PXDNL: variants seen among roughly 807,000 people sequenced by gnomAD.
The protein encoded by PXDNL is peroxidasin like.
In PXDNL, 145 loss-of-function variants were observed where a neutral mutation model predicts 150.8. That is an observed-to-expected ratio of 0.96 (90% CI 0.84 to 1.10). The LOEUF is 1.10. Among genes scored for constraint, PXDNL ranks in the 50% least tolerant of loss-of-function variants. PXDNL has a pLI of 0.00. For missense variants in PXDNL, 2,087 were observed against 1,873.9 expected (o/e 1.11, Z -2.10); for synonymous variants, 757 against 725.7 (o/e 1.04, Z -0.69).
chr8:51,341,821 A>G (rs1805991574), intron 20 of PXDNL, among the ~76,000 whole-genome samples: 1 of 152,216 alleles, frequency 6.6e-6, no homozygotes, highest in African/African-American at 2.4e-5. Context: ...AACAAAAGAT[A>G]ACAAAAATGT....
chr8:51,428,164 C>T (rs1809159286), intron 12 of PXDNL, among the ~76,000 whole-genome samples: 1 of 152,066 alleles, frequency 6.6e-6, no homozygotes, highest in Non-Finnish European at 1.5e-5. Context: ...TTTAACAAAA[C>T]ATCTACAGTA....
chr8:51,335,476 C>T (rs1165008738), intron 21 of PXDNL, among the ~76,000 whole-genome samples: 1 of 152,140 alleles, frequency 6.6e-6, no homozygotes, highest in Non-Finnish European at 1.5e-5. Flanking sequence ...GAGCTCCTTT[C>T]AGTAGCTGTT....
intron 1 of PXDNL, among the ~76,000 whole-genome samples, chr8:51,663,937 G>A (rs1408677460): frequency 6.6e-6 from 1 of 151,822 alleles, no homozygotes; most frequent in Non-Finnish European, 1.5e-5. Context: ...CATGATCCCA[G>A]CTACTTGGGA....
At chr8:51,512,986 G>A (rs1390874446) in intron 4 of PXDNL, among the ~76,000 whole-genome samples, 1 of 152,168 alleles carries the variant, frequency 6.6e-6, no homozygotes, top group Non-Finnish European at 1.5e-5. Flanking sequence ...AGGCAAGGAA[G>A]GCATCCTGGA....
chr8:51,330,222 T>C (rs1205663967), intron 21 of PXDNL, among the ~76,000 whole-genome samples: 1 of 152,178 alleles, frequency 6.6e-6, no homozygotes, highest in Non-Finnish European at 1.5e-5. Flanking sequence ...TAGCTGGGCA[T>C]CCCATGATCC....
chr8:51,435,076 T>A (rs1257224790), intron 12 of PXDNL, among the ~76,000 whole-genome samples: 1 of 152,134 alleles, frequency 6.6e-6, no homozygotes, highest in Non-Finnish European at 1.5e-5. Context: ...CACAGCACTT[T>A]GGGAGGCCGA....
At chr8:51,744,675 CA>C (rs34751949) in intron 1 of PXDNL, among the ~76,000 whole-genome samples, 480 of 38,782 alleles carry the variant, frequency 0.012, 1 homozygote, top group African/African-American at 0.051. Flanking sequence ...GACTCCATCT[CA>C]AAAAAAAAAA....
At chr8:51,762,575 C>G (rs1310648713) in intron 1 of PXDNL, among the ~76,000 whole-genome samples, 1 of 152,226 alleles carries the variant, frequency 6.6e-6, no homozygotes, top group Admixed American at 6.5e-5. Flanking sequence ...ACAAACTCAA[C>G]TAATTGTCAA....
At chr8:51,567,133 G>A (rs1812845218) in intron 3 of PXDNL, among the ~76,000 whole-genome samples, 2 of 151,608 alleles carry the variant, frequency 1.3e-5, no homozygotes, top group Admixed American at 6.6e-5. Flanking sequence ...ATTGTGGTTT[G>A]AGAACATACT....
intron 1 of PXDNL, among the ~76,000 whole-genome samples, chr8:51,758,028 A>G (rs2037121891): frequency 6.7e-6 from 1 of 149,544 alleles, no homozygotes; most frequent in South Asian, 2.1e-4. Context: ...AGTTTTTTTA[A>G]TAATATAAAC....
rs76696976 is a variant in PXDNL at position 51,673,595 on chromosome 8, C to T, written c.165-18835G>A. Among the ~76,000 whole-genome samples the T allele has an allele frequency of 5.9e-3, 902 of 152,304 alleles. 14 individuals are homozygous for T. Among genetic ancestry groups the T allele is most frequent in the African/African-American group, 0.021 (859 of 41,564 alleles). ...CTTGAGAAGCAAGCAATGCCCTTGA[C>T]TATGGGCATTTTGATAAAGACTAAA... On this transcript the variant is annotated intron_variant, in intron 1 of 22. Coordinates refer to ENST00000356297, the MANE Select transcript of PXDNL (RefSeq NM_144651.5).
At chr8:51,685,968 G>A (rs569332880) in intron 1 of PXDNL, among the ~76,000 whole-genome samples, 45 of 152,262 alleles carry the variant, frequency 3.0e-4, no homozygotes, top group African/African-American at 1.1e-3. Flanking sequence ...ATATATTTTA[G>A]CATCGATTTA....
chr8:51,408,261 C>T lies in PXDNL; in HGVS notation c.3363G>A (p.Glu1121=). ...CCGCGGAGAAGAGCCTCTGGGTCAG[C>T]TCAGGACTGAGAAGGTAGGAGGGTG... ...WRAPSYLLSP[E]LTQRLFSAAY... Residue 1121 remains glutamate (E), a synonymous_variant, in exon 17 of 23, where the codon GAG becomes GAA. Transcript: ENST00000356297. The T allele has an allele frequency of 6.2e-7, 1 of 1,613,992 alleles. No homozygotes were observed. The highest frequency in any genetic ancestry group is 8.5e-7 in the Non-Finnish European group (1 of 1,179,900).
intron 5 of PXDNL, among the ~76,000 whole-genome samples, chr8:51,488,133 A>G (rs1427522319): frequency 1.3e-5 from 2 of 152,258 alleles, no homozygotes; most frequent in Non-Finnish European, 2.9e-5. Flanking sequence ...TTGAATCTCC[A>G]TTGAAATAAT....
At chr8:51,708,230 C>G (rs914769430) in intron 1 of PXDNL, among the ~76,000 whole-genome samples, 1 of 152,164 alleles carries the variant, frequency 6.6e-6, no homozygotes. Flanking sequence ...GCACATTGAT[C>G]GTGATTCACC....
At chr8:51,664,380 T>C (rs1815336901) in intron 1 of PXDNL, among the ~76,000 whole-genome samples, 1 of 152,180 alleles carries the variant, frequency 6.6e-6, no homozygotes, top group South Asian at 2.1e-4. Flanking sequence ...TGAATTAACA[T>C]AATTCACAGT....
intron 12 of PXDNL, 76 bp from the exon 13 acceptor site, chr8:51,426,834 A>T: frequency 6.5e-6 from 5 of 774,966 alleles, no homozygotes; most frequent in Non-Finnish European, 1.1e-5. Context: ...AGTCAAAGGT[A>T]TGAACCTGAA....
intron 5 of PXDNL, among the ~76,000 whole-genome samples, chr8:51,498,109 T>G (rs10110674): frequency 0.36 from 53,952 of 151,182 alleles, 11,481 homozygotes; most frequent in African/African-American, 0.6. Flanking sequence ...CCATAAAAAG[T>G]GATGAGTTCA....
intron 1 of PXDNL, among the ~76,000 whole-genome samples, chr8:51,661,831 A>AT (rs1460434628): frequency 2.0e-5 from 3 of 147,308 alleles, no homozygotes; most frequent in African/African-American, 7.6e-5. Flanking sequence ...CAGTGGGGTG[A>AT]TTTTTTCTTT....
Sources: gnomAD v4.1 joint callset for allele counts (sites outside exome capture counted in the v4.1 genomes callset) on GRCh38, gnomAD v4.1.1 for gene constraint, MANE v1.5 for transcripts, NCBI Gene and HGNC (gene_info 2026-07-23, HGNC 2026-07-21) for gene names.